Variants in DAB1 observed in about 807,000 individuals in gnomAD.
DAB1 encodes the protein DAB adaptor protein 1.
A neutral mutation model predicts 64.6 loss-of-function variants in DAB1; 15 were observed. The ratio of observed to expected loss-of-function variants is 0.23; its 90% CI spans 0.16 to 0.36. The LOEUF (loss-of-function observed/expected upper bound fraction) is 0.36, where lower values mean the gene tolerates loss of function less well. Among genes scored for constraint, DAB1 ranks in the 10% least tolerant of loss-of-function variants. The pLI, the probability that DAB1 is intolerant of heterozygous loss-of-function variation, is 1.00. For missense variants in DAB1, 596 were observed against 706.7 expected, an observed-to-expected ratio of 0.84 and a Z score of 1.78; for synonymous variants, 235 against 251.9, an observed-to-expected ratio of 0.93 and a Z score of 0.64.
intron 7 of DAB1, among the ~76,000 whole-genome samples, chr1:57,530,772 G>T (rs931524070): frequency 1.3e-5 from 2 of 152,304 alleles, no homozygotes; most frequent in East Asian, 3.9e-4. Context: ...GCTTGTCCTT[G>T]AATTCTTTTC....
At chr1:58,082,435 G>C (rs75449137) in intron 5 of DAB1, among the ~76,000 whole-genome samples, 1 of 150,486 alleles carries the variant, frequency 6.6e-6, no homozygotes, top group Non-Finnish European at 1.5e-5. Flanking sequence ...AAAAAAAAAA[G>C]ACAAAAATAA....
At chr1:57,844,654 G>A (rs1219901698) in intron 1 of DAB1, among the ~76,000 whole-genome samples, 3 of 152,218 alleles carry the variant, frequency 2.0e-5, no homozygotes, top group East Asian at 1.9e-4. Context: ...TAAGTTCTAC[G>A]GACAGCTTCA....
At chr1:57,387,509 A>T (rs2100990257) in intron 1 of DAB1, 1 of 152,162 alleles carries the variant, frequency 6.6e-6, no homozygotes, top group South Asian at 2.1e-4. Flanking sequence ...CTCCTCTTCT[A>T]ATCATCAGAG....
intron 4 of DAB1, among the ~76,000 whole-genome samples, chr1:58,215,552 G>A (rs747609170): frequency 2.4e-4 from 36 of 152,198 alleles, no homozygotes; most frequent in Middle Eastern, 6.8e-3. Context: ...TTTCAGCAAC[G>A]AAAGAGTTCT....
intron 5 of DAB1, among the ~76,000 whole-genome samples, chr1:58,025,647 G>GTGTATATATATATATATATATATA (rs1646880154): frequency 1.6e-5 from 1 of 63,976 alleles, no homozygotes; most frequent in African/African-American, 5.0e-5. Context: ...ATATATATAT[G>GTGTATATATATATATATATATATA]TGTGTATATA....
At chr1:57,822,901 G>A (rs917754666), downstream of DAB1, among the ~76,000 whole-genome samples, 1 of 151,892 alleles carries the variant, frequency 6.6e-6, no homozygotes. Flanking sequence ...GGTAGGCTTT[G>A]AGTGTATTGA....
chr1:58,418,971 T>C (rs6659789), intron 3 of DAB1, among the ~76,000 whole-genome samples: 2,021 of 152,280 alleles, frequency 0.013, 54 homozygotes, highest in African/African-American at 0.046. Flanking sequence ...CAGTATATTA[T>C]GGAGATAGAT....
chr1:58,089,184 T>C (rs1385585551), intron 5 of DAB1, among the ~76,000 whole-genome samples: 1 of 152,078 alleles, frequency 6.6e-6, no homozygotes, highest in Non-Finnish European at 1.5e-5. Flanking sequence ...GAAACTGGGG[T>C]TCCAGTCTTG....
chr1:57,362,601 T>C (rs1442240668), intron 1 of DAB1, among the ~76,000 whole-genome samples: 2 of 152,104 alleles, frequency 1.3e-5, no homozygotes, highest in African/African-American at 4.8e-5. Flanking sequence ...TTAGTCCCCT[T>C]ATAAAAGAGG....
chr1:57,729,397 G>A lies in DAB1; in HGVS notation n.552-79732C>T, dbSNP rs537969569. ...TGATGTGCCTCTAGCAGTCCGCCCC[G>A]CTGCCCGCCACATCCTCTCTGCACT... On this transcript the variant is annotated intron_variant and non_coding_transcript_variant, in intron 6 of 20. Transcript: ENST00000485760. 5.9e-3 allele frequency among the ~76,000 whole-genome samples: 893 copies of A among 152,286 alleles called. 3 individuals carry two copies. The highest frequency in any genetic ancestry group is 9.3e-3 in the Admixed American group (143 of 15,306).
At chr1:58,089,500 T>C (rs911372292) in intron 5 of DAB1, among the ~76,000 whole-genome samples, 3 of 152,212 alleles carry the variant, frequency 2.0e-5, no homozygotes, top group Non-Finnish European at 4.4e-5. Context: ...GGATGGACCC[T>C]CAATAAAAAG....
intron 6 of DAB1, among the ~76,000 whole-genome samples, chr1:57,801,415 C>T (rs1482864572): frequency 6.6e-6 from 1 of 152,170 alleles, no homozygotes; most frequent in Non-Finnish European, 1.5e-5. Flanking sequence ...TCTTCTTTTT[C>T]TCATGCTTTC....
intron 7 of DAB1, among the ~76,000 whole-genome samples, chr1:57,482,750 A>G (rs1644039518): frequency 6.6e-6 from 1 of 152,224 alleles, no homozygotes; most frequent in Admixed American, 6.5e-5. Flanking sequence ...TGTTTGCCTC[A>G]ATACTTCACT....
At chr1:58,213,181 T>C (rs1278447242) in intron 4 of DAB1, among the ~76,000 whole-genome samples, 2 of 152,062 alleles carry the variant, frequency 1.3e-5, no homozygotes, top group African/African-American at 4.8e-5. Flanking sequence ...AAGTGAAGAG[T>C]TATATGGCTT....
chr1:58,040,935 T>C (rs925379922), intron 5 of DAB1, among the ~76,000 whole-genome samples: 1 of 151,722 alleles, frequency 6.6e-6, no homozygotes, highest in Non-Finnish European at 1.5e-5. Context: ...ACCCCGGGGA[T>C]TGGCTCTTGC....
At chr1:57,416,555 A>G (rs1684511219) in intron 1 of DAB1, among the ~76,000 whole-genome samples, 1 of 152,228 alleles carries the variant, frequency 6.6e-6, no homozygotes, top group African/African-American at 2.4e-5. Context: ...AATGATTTTA[A>G]GAGATGTCAA....
At chr1:57,392,536 A>AG (rs2101005777) in intron 1 of DAB1, among the ~76,000 whole-genome samples, 1 of 152,344 alleles carries the variant, frequency 6.6e-6, no homozygotes, top group East Asian at 1.9e-4. Context: ...AGTCTTCACG[A>AG]GGAAAAACCT....
At chr1:57,330,369 C>A (rs2100794390) in intron 1 of DAB1, among the ~76,000 whole-genome samples, 1 of 152,294 alleles carries the variant, frequency 6.6e-6, no homozygotes, top group Non-Finnish European at 1.5e-5. Context: ...TACCCAGGCT[C>A]CTGGAAGCCA....
intron 1 of DAB1, among the ~76,000 whole-genome samples, chr1:57,840,972 C>A (rs1653022930): frequency 6.6e-6 from 1 of 152,148 alleles, no homozygotes; most frequent in Non-Finnish European, 1.5e-5. Flanking sequence ...CTCAAAAGTC[C>A]AAGTCCAAAG....
Sources: gnomAD v4.1 joint callset for allele counts (sites outside exome capture counted in the v4.1 genomes callset) on GRCh38, gnomAD v4.1.1 for gene constraint, MANE v1.5 for transcripts, NCBI Gene and HGNC (gene_info 2026-07-23, HGNC 2026-07-21) for gene names.